Variants in UGGT2 observed in about 807,000 individuals in gnomAD.
UGGT2 encodes UDP-glucose glycoprotein glucosyltransferase 2.
In UGGT2, 180 loss-of-function variants were observed where a neutral mutation model predicts 192.1. The observed-to-expected ratio is 0.94, with a 90% CI of 0.83 to 1.06. The LOEUF is 1.06. Ranked by LOEUF, UGGT2 falls within the 50% of genes least tolerant of loss-of-function variation. The pLI, the probability that UGGT2 is intolerant of heterozygous loss-of-function variation, is 0.00. For missense variants in UGGT2, 1,849 were observed against 1,795.7 expected (o/e 1.03, Z -0.54); for synonymous variants, 580 against 591.0 (o/e 0.98, Z 0.27).
chr13:96,053,105 G>A lies in UGGT2; in HGVS notation c.158+50C>T, dbSNP rs753779725. 18 of 1,424,358 alleles carry A rather than the reference G, an allele frequency of 1.3e-5. No homozygotes were observed. The African/African-American group carries it at 1.6e-4, about 13-fold the overall frequency. 88.2% of individuals were successfully genotyped at this position (1,424,358 alleles called of 1,614,324 possible). A position where few individuals can be genotyped will look rare whatever the true frequency, so the allele number is the denominator to read the frequency against. ...CGAGCACGAAGAAAGCGCGGCTGAGGGTGGCAGCGCGCCCACACCCGCCCG... is the reference window on the plus strand; with the variant it reads ...CGAGCACGAAGAAAGCGCGGCTGAGAGTGGCAGCGCGCCCACACCCGCCCG... On this transcript the variant is annotated intron_variant, in intron 1 of 38. Transcript: ENST00000376747.
intron 20 of UGGT2, 74 bp from the exon 21 acceptor site, chr13:95,903,134 C>T (rs2048161327): frequency 2.1e-5 from 30 of 1,439,722 alleles, no homozygotes; most frequent in South Asian, 1.6e-4. Flanking sequence ...TTTTCTTTCC[C>T]ATCCAGTTTG....
chr13:95,907,732 A>G (rs1189905874), intron 20 of UGGT2, among the ~76,000 whole-genome samples: 1 of 152,210 alleles, frequency 6.6e-6, no homozygotes, highest in Admixed American at 6.5e-5. Context: ...CACCAAAACC[A>G]CATCTGTAGG....
chr13:95,931,738 G>A lies in UGGT2; in HGVS notation c.1978-4402C>T, dbSNP rs112674544. ...CAGCGCCCGCCGGCCTGAGTGCAGG[G>A]CCTGCTGAGCCCACGCCCACCCGGA... On this transcript the variant is annotated intron_variant, in intron 17 of 38. Transcript: ENST00000376747. Among the ~76,000 whole-genome samples the A allele has an allele frequency of 6.8e-4, 104 of 152,276 alleles. 1 individual carries two copies. The highest frequency in any genetic ancestry group is 2.1e-3 in the African/African-American group (89 of 41,578).
At chr13:95,894,827 C>T (rs1277749099) in intron 23 of UGGT2, among the ~76,000 whole-genome samples, 170 bp from the exon 24 acceptor site, 1 of 152,086 alleles carries the variant, frequency 6.6e-6, no homozygotes, top group Non-Finnish European at 1.5e-5. Flanking sequence ...ACAGTCACAG[C>T]CTTCAACACA....
chr13:96,027,124 A>G (rs1432993183), intron 2 of UGGT2, among the ~76,000 whole-genome samples: 1 of 152,344 alleles, frequency 6.6e-6, no homozygotes, highest in South Asian at 2.1e-4. Context: ...TAATATTCTT[A>G]AAATACTTAT....
At chr13:96,026,932 A>G (rs2052688205) in intron 2 of UGGT2, among the ~76,000 whole-genome samples, 1 of 152,130 alleles carries the variant, frequency 6.6e-6, no homozygotes, top group Middle Eastern at 3.4e-3. Context: ...CGGCCTCCCA[A>G]AGTGCTGGGA....
chr13:95,886,045 A>G (rs2047637271), intron 26 of UGGT2, among the ~76,000 whole-genome samples: 1 of 152,216 alleles, frequency 6.6e-6, no homozygotes, highest in Non-Finnish European at 1.5e-5. Flanking sequence ...TATAGAGATT[A>G]AAGATCCACA....
intron 4 of UGGT2, among the ~76,000 whole-genome samples, chr13:96,013,862 AC>A (rs2052243269): frequency 6.6e-6 from 1 of 152,142 alleles, no homozygotes; most frequent in South Asian, 2.1e-4. Context: ...CAAAAGTACT[AC>A]CTTATTCAAA....
chr13:95,839,982 C>T (rs1887694132), intron 36 of UGGT2, among the ~76,000 whole-genome samples: 1 of 152,070 alleles, frequency 6.6e-6, no homozygotes, highest in African/African-American at 2.4e-5. Flanking sequence ...TTTACATAGA[C>T]ATATTTCGTA....
At chr13:96,001,663 A>C (rs552323085) in intron 5 of UGGT2, among the ~76,000 whole-genome samples, 8 of 152,308 alleles carry the variant, frequency 5.3e-5, no homozygotes, top group African/African-American at 1.9e-4. Context: ...GACAATTAAC[A>C]ACAACAAGGT....
intron 32 of UGGT2, among the ~76,000 whole-genome samples, chr13:95,860,400 A>G (rs1250515368): frequency 6.7e-6 from 1 of 149,400 alleles, no homozygotes; most frequent in Non-Finnish European, 1.5e-5. Context: ...CAAAATGTCT[A>G]TTTGCTAGCC....
At chr13:95,853,067 T>G (rs931347647) in intron 36 of UGGT2, among the ~76,000 whole-genome samples, 2 of 152,062 alleles carry the variant, frequency 1.3e-5, no homozygotes, top group Admixed American at 6.6e-5. Context: ...TCTCATGAGA[T>G]CTGATGGTTT....
rs760372563 is a variant in UGGT2 at position 95,928,357 on chromosome 13, ACAGGACGGC to A, written c.1978-1030_1978-1022del. Among the ~76,000 whole-genome samples, 204 of 84,810 alleles carry A rather than the reference ACAGGACGGC, an allele frequency of 2.4e-3. 1 individual carries two copies. Among genetic ancestry groups the A allele is most frequent in the Non-Finnish European group, 4.7e-3 (134 of 28,384 alleles). The allele number at this position is 84,810 out of a possible 152,430, so 55.6% of individuals were successfully genotyped here. The stretch of plus-strand genomic sequence containing the variant: ...GCGAGGGCTGCCCCCCACCTCCCGG[ACAGGACGGC>A]TGCCGGGCGGAGACGCTCCTCACTT... On this transcript the variant is annotated intron_variant, in intron 17 of 38. Transcript: ENST00000376747.
intron 20 of UGGT2, among the ~76,000 whole-genome samples, chr13:95,904,997 G>T (rs1409212858): frequency 3.3e-5 from 5 of 151,948 alleles, no homozygotes; most frequent in Non-Finnish European, 7.4e-5. Context: ...TCTAACTGGT[G>T]TGAGATGGTA....
At chr13:96,037,126 G>A (rs763593362) in intron 1 of UGGT2, among the ~76,000 whole-genome samples, 2 of 152,146 alleles carry the variant, frequency 1.3e-5, no homozygotes, top group Non-Finnish European at 2.9e-5. Context: ...TTTTCAGTCA[G>A]ATCAACACAA....
At chr13:96,026,659 C>CTTTTTTTTTTTT (rs71211702) in intron 2 of UGGT2, among the ~76,000 whole-genome samples, 1 of 101,536 alleles carries the variant, frequency 9.8e-6, no homozygotes, top group African/African-American at 3.6e-5. Flanking sequence ...TTTCACTCTT[C>CTTTTTTTTTTTT]TTTTTTTTTT....
intron 4 of UGGT2, among the ~76,000 whole-genome samples, chr13:96,014,633 A>C (rs777607561): frequency 2.6e-5 from 4 of 152,204 alleles, no homozygotes; most frequent in Non-Finnish European, 5.9e-5. Flanking sequence ...CTTCATTATT[A>C]ATCTTCTGTA....
chr13:95,995,938 ATG>A (rs1415259252), intron 7 of UGGT2, 123 bp downstream of exon 7: 10 of 775,512 alleles, frequency 1.3e-5, no homozygotes, highest in South Asian at 3.2e-5. Context: ...AAACAATCGT[ATG>A]TGTGTGTGTT....
chr13:95,999,037 T>C (rs2051713049), intron 6 of UGGT2, among the ~76,000 whole-genome samples, 174 bp downstream of exon 6: 1 of 152,196 alleles, frequency 6.6e-6, no homozygotes, highest in South Asian at 2.1e-4. Flanking sequence ...TAATATTAAA[T>C]ACATTTCTTT....
Sources: allele counts gnomAD v4.1 joint callset (sites outside exome capture counted in the v4.1 genomes callset), GRCh38; gene constraint gnomAD v4.1.1; transcripts MANE v1.5; gene names NCBI Gene and HGNC (gene_info 2026-07-23, HGNC 2026-07-21).